Variants in PARG observed in about 807,000 individuals in gnomAD.
PARG encodes mitochondrial poly(ADP-ribose) glycohydrolase.
PARG carries 35 observed loss-of-function variants against 113.0 expected under a neutral mutation model. The ratio of observed to expected loss-of-function variants is 0.31; its 90% confidence interval spans 0.24 to 0.41. The LOEUF is 0.41. Ranked by LOEUF, PARG falls within the 10% of genes least tolerant of loss-of-function variation. The pLI is 1.00. For missense variants in PARG, 797 were observed against 1,169.4 expected, an observed-to-expected ratio of 0.68 and a Z score of 4.64; for synonymous variants, 330 against 409.9, an observed-to-expected ratio of 0.81 and a Z score of 2.36.
intron 16 of PARG, among the ~76,000 whole-genome samples, chr10:49,821,472 C>T (rs985788521): frequency 1.3e-5 from 2 of 152,036 alleles, no homozygotes; most frequent in Non-Finnish European, 2.9e-5. Context: ...CTCTGCCTCC[C>T]GGGTTCAAGC....
chr10:49,832,945 C>A, intron 15 of PARG, 37 bp from the exon 16 acceptor site: 1 of 1,059,696 alleles, frequency 9.4e-7, no homozygotes. Context: ...CTGTGAGTGC[C>A]TAGACACTAA....
chr10:49,852,857 G>A (rs1845819687), intron 13 of PARG, among the ~76,000 whole-genome samples: 1 of 148,726 alleles, frequency 6.7e-6, no homozygotes, highest in Non-Finnish European at 1.5e-5. Flanking sequence ...GAGCCACCTC[G>A]CCCAGCCCAG....
intron 7 of PARG, among the ~76,000 whole-genome samples, chr10:49,901,775 T>A (rs2132748578): frequency 6.6e-6 from 1 of 152,178 alleles, no homozygotes; most frequent in South Asian, 2.1e-4. Context: ...ATATCCAATC[T>A]AAAAAAATTC....
chr10:49,908,170 G>A (rs1246198224), intron 7 of PARG, among the ~76,000 whole-genome samples: 1 of 152,092 alleles, frequency 6.6e-6, no homozygotes, highest in Non-Finnish European at 1.5e-5. Flanking sequence ...GATATTCCAT[G>A]GTAACTCATC....
chr10:49,833,038 C>A, intron 15 of PARG, 130 bp from the exon 16 acceptor site: 1 of 482,200 alleles, frequency 2.1e-6, no homozygotes. Flanking sequence ...CCATAGGGGC[C>A]AAAATAGAGG....
chr10:49,897,115 G>A lies in PARG; in HGVS notation c.1738-11820C>T, dbSNP rs373762682. On this transcript the variant is annotated intron_variant, in intron 7 of 17. Coordinates refer to ENST00000616448, the MANE Select transcript of PARG (RefSeq NM_003631.5). The stretch of plus-strand genomic sequence containing the variant: ...TCCTTTCTGTTGCTTGTTTGCTACT[G>A]TCCAGTGATACTTAACTATTTGCAC... Among the ~76,000 whole-genome samples, 35 of 152,134 alleles carry A rather than the reference G, an allele frequency of 2.3e-4. No homozygotes were observed. In the East Asian group the frequency reaches 4.2e-3, roughly 18 times the overall value.
Position 49,842,140 on chromosome 10 carries a change from G to T in PARG, c.2433-82C>A, listed in dbSNP as rs117434646. On this transcript the variant is annotated intron_variant, in intron 14 of 17. Transcript: ENST00000616448. Reference sequence around the variant, plus strand: ...ATCCTCTCAGGGGTCAGGTTGCCAAGACTTTAGCTCTGTTAAAATATTAAA... The same window carrying T: ...ATCCTCTCAGGGGTCAGGTTGCCAATACTTTAGCTCTGTTAAAATATTAAA... The T allele has an allele frequency of 1.5e-3, 1,318 of 902,304 alleles. 1 individual carries two copies. Among genetic ancestry groups the T allele is most frequent in the Non-Finnish European group, 2.0e-3 (1,156 of 567,002 alleles). 55.9% of individuals were successfully genotyped at this position (902,304 alleles called of 1,614,324 possible).
intron 7 of PARG, among the ~76,000 whole-genome samples, chr10:49,913,568 G>A (rs1286957880): frequency 1.3e-5 from 2 of 152,090 alleles, no homozygotes; most frequent in Admixed American, 6.6e-5. Context: ...GTAGTTGTGG[G>A]GACTTCTCCA....
chr10:49,939,732 T>C (rs1439763107), intron 1 of PARG, among the ~76,000 whole-genome samples: 1 of 152,258 alleles, frequency 6.6e-6, no homozygotes, highest in Non-Finnish European at 1.5e-5. Flanking sequence ...AACTTTTGCA[T>C]GTCTTATTTC....
At chr10:49,865,973 T>C (rs1350281601) in intron 10 of PARG, among the ~76,000 whole-genome samples, 1 of 146,648 alleles carries the variant, frequency 6.8e-6, no homozygotes, top group Non-Finnish European at 1.5e-5. Flanking sequence ...TACTTGTTAG[T>C]AGCAGTCGTA....
At chr10:49,941,030 A>G (rs1475416402) in intron 1 of PARG, among the ~76,000 whole-genome samples, 6 of 152,216 alleles carry the variant, frequency 3.9e-5, no homozygotes, top group African/African-American at 1.2e-4. Context: ...CTCTCCAGAT[A>G]GATTTTAAGG....
At chr10:49,820,887 G>A (rs1157837310) in intron 16 of PARG, among the ~76,000 whole-genome samples, 14 of 152,162 alleles carry the variant, frequency 9.2e-5, no homozygotes, top group African/African-American at 2.7e-4. Context: ...GACTAAGGTA[G>A]TATTTATATT....
At position 49,838,805 on chromosome 10, in the gene PARG, T is replaced by C. The variant is rs527349553; in HGVS notation, c.2541+3145A>G. Among the ~76,000 whole-genome samples the C allele has an allele frequency of 7.2e-4, 110 of 152,270 alleles. 4 individuals carry two copies. The South Asian group carries it at 0.021, about 28-fold the overall frequency. Reference sequence around the variant, plus strand: ...CTTTATTGCATATTGACATGAATAATTGCAGGTTGAAAATGAATGTAGAAC... The same window carrying C: ...CTTTATTGCATATTGACATGAATAACTGCAGGTTGAAAATGAATGTAGAAC... On this transcript the variant is annotated intron_variant, in intron 15 of 17. Transcript: ENST00000616448.
chr10:49,893,511 T>G (rs1162311932), intron 7 of PARG, among the ~76,000 whole-genome samples: 1 of 152,098 alleles, frequency 6.6e-6, no homozygotes, highest in Non-Finnish European at 1.5e-5. Flanking sequence ...CTTTTAAAAT[T>G]TATTTATTTC....
At chr10:49,896,531 C>T (rs1374856024) in intron 7 of PARG, among the ~76,000 whole-genome samples, 3 of 152,276 alleles carry the variant, frequency 2.0e-5, no homozygotes, top group South Asian at 2.1e-4. Context: ...GTGATCCACC[C>T]GCCTTGGCCT....
chr10:49,844,826 G>A (rs1199558348), intron 13 of PARG, among the ~76,000 whole-genome samples: 1 of 152,036 alleles, frequency 6.6e-6, no homozygotes, highest in Non-Finnish European at 1.5e-5. Context: ...GACAAGACTG[G>A]AGAAAAAATA....
intron 1 of PARG, among the ~76,000 whole-genome samples, chr10:49,939,282 C>A (rs1263784038): frequency 6.6e-6 from 1 of 152,204 alleles, no homozygotes. Context: ...TAGACAACTG[C>A]CATTTGTTTC....
chr10:49,908,465 C>T (rs551755223), intron 7 of PARG: 33 of 152,130 alleles, frequency 2.2e-4, no homozygotes, highest in African/African-American at 7.7e-4. Context: ...CTTATGATTC[C>T]AGAGACTGTG....
chr10:49,911,130 A>G (rs1370772340), intron 7 of PARG, among the ~76,000 whole-genome samples: 3 of 152,050 alleles, frequency 2.0e-5, no homozygotes, highest in Non-Finnish European at 2.9e-5. Flanking sequence ...TAAAAATACA[A>G]AAATTAGCCT....
Sources: allele counts gnomAD v4.1 joint callset (sites outside exome capture counted in the v4.1 genomes callset), GRCh38; gene constraint gnomAD v4.1.1; transcripts MANE v1.5; gene names NCBI Gene and HGNC (gene_info 2026-07-23, HGNC 2026-07-21).